Variants in LRBA observed in about 807,000 individuals in gnomAD.
LRBA encodes LPS responsive beige-like anchor protein, also known as lipopolysaccharide-responsive and beige-like anchor protein.
A neutral mutation model predicts 330.0 loss-of-function variants in LRBA; 176 were observed. The ratio of observed to expected loss-of-function variants is 0.53; its 90% CI spans 0.47 to 0.60. The LOEUF is 0.60. LRBA is among the 20% of genes least tolerant of loss of function. The probability of loss-of-function intolerance (pLI) is 0.00; values close to 1 mark genes in which losing one functional copy is unlikely to be tolerated. For missense variants in LRBA, 3,259 were observed against 3,444.8 expected, an observed-to-expected ratio of 0.95 and a Z score of 1.35; for synonymous variants, 1,230 against 1,193.0, an observed-to-expected ratio of 1.03 and a Z score of -0.64.
rs371772833 is a variant in LRBA, at chr4:150,840,083, G to A, written c.4569+4017C>T. Among the ~76,000 whole-genome samples, 42 of 152,106 alleles carry A rather than the reference G, an allele frequency of 2.8e-4. 1 individual carries two copies. In the East Asian group the frequency reaches 5.2e-3, roughly 19 times the overall value. On this transcript the variant is annotated intron_variant, in intron 28 of 56. Coordinates refer to ENST00000651943, the MANE Select transcript of LRBA (RefSeq NM_001364905.1). ...CTTCTGCAGCTTCCTCACTTCTCTC[G>A]GCCTTTACAGAATTGAAGAGCGTTG...
chr4:150,750,649 T>A (rs1733402993), intron 35 of LRBA, among the ~76,000 whole-genome samples: 1 of 151,972 alleles, frequency 6.6e-6, no homozygotes, highest in African/African-American at 2.4e-5. Context: ...CTCAGGCTGG[T>A]CTTGAACTCC....
At position 150,791,682 on chromosome 4, in the gene LRBA, CA is replaced by C. The variant is rs1018011886; in HGVS notation, c.5580+6398del. 1.6e-3 allele frequency among the ~76,000 whole-genome samples: 245 copies of C among 152,226 alleles called. 1 individual carries two copies. The highest frequency in any genetic ancestry group is 5.6e-3 in the African/African-American group (232 of 41,544). On this transcript the variant is annotated intron_variant, in intron 34 of 56. Coordinates refer to ENST00000651943, the MANE Select transcript of LRBA (RefSeq NM_001364905.1). ...ATAATGGCCTCCTCAAACTGCTATA[CA>C]AAACTTCGTATCATAGGATTTCCTT...
chr4:150,369,362 T>G (rs1484275118), intron 47 of LRBA, among the ~76,000 whole-genome samples: 1 of 152,162 alleles, frequency 6.6e-6, no homozygotes, highest in Non-Finnish European at 1.5e-5. Flanking sequence ...TAACCAGTGG[T>G]GCTAACCTGA....
intron 13 of LRBA, among the ~76,000 whole-genome samples, chr4:150,903,526 C>G (rs1263614707): frequency 6.6e-6 from 1 of 151,862 alleles, no homozygotes; most frequent in Admixed American, 6.6e-5. Context: ...ATCACTTGAG[C>G]CCAGGAGTTC....
intron 48 of LRBA, among the ~76,000 whole-genome samples, chr4:150,331,930 T>G (rs1734052963): frequency 6.6e-6 from 1 of 152,218 alleles, no homozygotes; most frequent in South Asian, 2.1e-4. Flanking sequence ...CTTAACCTTC[T>G]GTGCCTTAAT....
At chr4:150,692,204 GTGT>G (rs1293880951) in intron 36 of LRBA, among the ~76,000 whole-genome samples, 1 of 151,730 alleles carries the variant, frequency 6.6e-6, no homozygotes, top group Non-Finnish European at 1.5e-5. Flanking sequence ...TATTTAAGAA[GTGT>G]TTGTTTGTTT....
intron 2 of LRBA, among the ~76,000 whole-genome samples, chr4:150,996,004 G>C (rs1742591836): frequency 6.7e-6 from 1 of 150,182 alleles, no homozygotes; most frequent in South Asian, 2.1e-4. Flanking sequence ...GGTCTTGTGT[G>C]AGCAAGGTAG....
intron 35 of LRBA, among the ~76,000 whole-genome samples, chr4:150,758,394 T>A (rs1734600191): frequency 1.3e-5 from 2 of 152,164 alleles, no homozygotes; most frequent in Non-Finnish European, 2.9e-5. Context: ...TTAAGAGTGA[T>A]GCCTGGCTTT....
rs145917902 is a variant in LRBA at position 150,722,802 on chromosome 4, T to C, written c.5754+12456A>G. Among the ~76,000 whole-genome samples the C allele has an allele frequency of 1.6e-4, 24 of 151,934 alleles. No individual in the cohort carries two copies. In the East Asian group the frequency reaches 4.3e-3, roughly 27 times the overall value. On this transcript the variant is annotated intron_variant, in intron 36 of 56. Transcript: ENST00000651943. ...TAACTTCATATCATGGAAAGAGGCA[T>C]TGAGGGGGGCAGGAGAGACAGACTT... is the stretch of plus-strand genomic sequence containing the variant.
intron 53 of LRBA, among the ~76,000 whole-genome samples, chr4:150,301,126 A>G (rs2126841038): frequency 6.6e-6 from 1 of 152,186 alleles, no homozygotes; most frequent in Admixed American, 6.5e-5. Flanking sequence ...GGATTTACAG[A>G]AACCAGAAAA....
chr4:150,322,531 C>T (rs1732655353), intron 49 of LRBA, among the ~76,000 whole-genome samples: 1 of 152,120 alleles, frequency 6.6e-6, no homozygotes, highest in African/African-American at 2.4e-5. Context: ...TGTGGAGGCA[C>T]ATATATTTAA....
intron 47 of LRBA, among the ~76,000 whole-genome samples, chr4:150,394,497 A>G (rs1427442719): frequency 6.6e-6 from 1 of 152,186 alleles, no homozygotes; most frequent in Non-Finnish European, 1.5e-5. Context: ...GTAACGGAGG[A>G]GGGGGCACAG....
chr4:150,759,801 T>A (rs1734828973), intron 35 of LRBA, among the ~76,000 whole-genome samples: 2 of 152,198 alleles, frequency 1.3e-5, no homozygotes, highest in African/African-American at 4.8e-5. Context: ...ACATAGTGTG[T>A]AATAAATAGA....
intron 36 of LRBA, among the ~76,000 whole-genome samples, chr4:150,720,775 C>T (rs1302980195): frequency 6.6e-6 from 1 of 152,060 alleles, no homozygotes; most frequent in African/African-American, 2.4e-5. Context: ...AAATAATGTT[C>T]AATACTGAAC....
At chr4:150,842,732 A>T (rs565761490) in intron 28 of LRBA, among the ~76,000 whole-genome samples, 1 of 152,334 alleles carries the variant, frequency 6.6e-6, no homozygotes, top group Non-Finnish European at 1.5e-5. Flanking sequence ...TCCTAAACTC[A>T]CTTTCACCTC....
In LRBA at chr4:150,590,873, G is replaced by C. The variant is rs760582822; in HGVS notation, c.6047-14C>G. 4 of 1,613,092 alleles carry C rather than the reference G, an allele frequency of 2.5e-6. No individual in the cohort carries two copies. Among genetic ancestry groups the C allele is most frequent in the Non-Finnish European group, 2.5e-6 (3 of 1,179,756 alleles). ...CTTCATCTGTGGCTGAAATGAAAAG[G>C]AAACAAAGCTGTCCATCAGTTCTGG... On this transcript the variant is annotated splice_polypyrimidine_tract_variant and intron_variant, in intron 38 of 56. Transcript: ENST00000651943.
chr4:150,324,015 AAC>A (rs910734764), intron 49 of LRBA, among the ~76,000 whole-genome samples: 12 of 152,316 alleles, frequency 7.9e-5, no homozygotes, highest in African/African-American at 2.6e-4. Context: ...CAAAGCGAAA[AAC>A]ACAATTTGTG....
intron 34 of LRBA, among the ~76,000 whole-genome samples, chr4:150,781,163 G>A (rs546939523): frequency 5.3e-5 from 8 of 152,266 alleles, no homozygotes; most frequent in Admixed American, 4.6e-4. Flanking sequence ...ACAGGCGTGA[G>A]CCACCACGCC....
intron 36 of LRBA, among the ~76,000 whole-genome samples, chr4:150,725,480 C>G (rs926188976): frequency 1.3e-5 from 2 of 152,112 alleles, no homozygotes; most frequent in Admixed American, 1.3e-4. Flanking sequence ...AATAGTATAT[C>G]CAGTGAAAAT....
Sources: allele counts gnomAD v4.1 joint callset (sites outside exome capture counted in the v4.1 genomes callset), GRCh38; gene constraint gnomAD v4.1.1; transcripts MANE v1.5; gene names NCBI Gene and HGNC (gene_info 2026-07-23, HGNC 2026-07-21).